The following VCL variants were observed in gnomAD, a reference collection of about 807,000 sequenced individuals.
VCL encodes vinculin, also known as epididymis luminal protein 114.
VCL carries 47 observed loss-of-function variants against 125.7 expected under a neutral mutation model. That is an observed-to-expected ratio of 0.37 (90% CI 0.30 to 0.48). The LOEUF is 0.48. VCL is among the 20% of genes least tolerant of loss of function. The pLI, the probability that VCL is intolerant of heterozygous loss-of-function variation, is 0.99. For synonymous variants in VCL, 458 were observed against 514.6 expected (o/e 0.89, Z 1.49); for missense variants, 1,069 against 1,455.5 (o/e 0.73, Z 4.32).
chr10:74,085,975 C>T (rs2131903364), intron 8 of VCL, among the ~76,000 whole-genome samples: 1 of 152,274 alleles, frequency 6.6e-6, no homozygotes, highest in Non-Finnish European at 1.5e-5. Context: ...TCAAGGCATT[C>T]TCCTGCCTCA....
At chr10:74,100,810 G>GT in intron 13 of VCL, 138 bp from the exon 14 acceptor site, 10 of 1,049,456 alleles carry the variant, frequency 9.5e-6, no homozygotes, top group Non-Finnish European at 1.4e-5. Flanking sequence ...TTTGACTGTT[G>GT]TTTTATTAAC....
chr10:74,107,481 T>C, intron 17 of VCL, 127 bp downstream of exon 17: 1 of 1,471,028 alleles, frequency 6.8e-7, no homozygotes, highest in South Asian at 1.2e-5. Context: ...TGAAGCTTAG[T>C]GGGAGGCAGA....
At chr10:74,065,192 A>T (rs1841548504) in intron 2 of VCL, among the ~76,000 whole-genome samples, 1 of 148,822 alleles carries the variant, frequency 6.7e-6, no homozygotes, top group Non-Finnish European at 1.5e-5. Context: ...GCTGAAGTGC[A>T]GTGGCGTGAT....
At chr10:74,008,517 T>C (rs534408261) in intron 1 of VCL, among the ~76,000 whole-genome samples, 2 of 152,336 alleles carry the variant, frequency 1.3e-5, no homozygotes, top group South Asian at 4.1e-4. Flanking sequence ...GATATATTAT[T>C]TGGAGCCCTG....
chr10:74,009,794 G>C (rs1377045820), intron 1 of VCL, among the ~76,000 whole-genome samples: 1 of 151,810 alleles, frequency 6.6e-6, no homozygotes, highest in Non-Finnish European at 1.5e-5. Context: ...ATTTTTAGTA[G>C]AGACGGGGTT....
rs536260277 is a variant in VCL at position 74,056,819 on chromosome 10, C to T, written c.239+13666C>T. Among the ~76,000 whole-genome samples the T allele has an allele frequency of 5.3e-5, 8 of 152,258 alleles. No homozygotes were observed. In the South Asian group the frequency reaches 1.7e-3, roughly 32 times the overall value. Reference sequence around the variant, plus strand: ...TTACTGATATGCCACAGAATGCGTCCATCTCTACTGTTTTAAAGTACAATC... The same window carrying T: ...TTACTGATATGCCACAGAATGCGTCTATCTCTACTGTTTTAAAGTACAATC... On this transcript the variant is annotated intron_variant, in intron 2 of 21. Transcript: ENST00000211998.
chr10:74,049,063 C>T (rs919371986), intron 2 of VCL, among the ~76,000 whole-genome samples: 3 of 152,022 alleles, frequency 2.0e-5, no homozygotes, highest in South Asian at 2.1e-4. Flanking sequence ...GCTGAGATTG[C>T]GCCACTGCAC....
At chr10:74,108,950 A>G in intron 17 of VCL, 21 bp from the exon 18 acceptor site, 1 of 1,613,982 alleles carries the variant, frequency 6.2e-7, no homozygotes. Context: ...CTTTACTTAC[A>G]ACTTGTTTTC....
intron 8 of VCL, among the ~76,000 whole-genome samples, chr10:74,084,157 G>A (rs1335434012): frequency 6.6e-6 from 1 of 152,156 alleles, no homozygotes; most frequent in Non-Finnish European, 1.5e-5. Context: ...GAGCCACTGT[G>A]CCCGGCCACA....
Position 74,105,183 on chromosome 10 carries a change from G to A in VCL, c.2264G>A (p.Ser755Asn). 6.2e-7 allele frequency: 1 copy of A among 1,614,212 alleles called. No individual in the cohort carries two copies. Among genetic ancestry groups the A allele is most frequent in the South Asian group, 1.1e-5 (1 of 91,078 alleles). ...CAGATGCTGGTTGCTGGGGCAACCA[G>A]TATTGCTCGTCGGGCCAACCGGATC... ...QPQMLVAGAT[S>N]IARRANRILL... The change falls in exon 16 of 22, where the codon AGT becomes AAT. Residue 755 changes from serine to asparagine, a missense_variant. Transcript: ENST00000211998.
In VCL at chr10:74,118,321, G is replaced by A. The variant is rs1933497251; in HGVS notation, c.*152G>A. On this transcript the variant is annotated 3_prime_UTR_variant, in exon 22 of 22. Transcript: ENST00000211998. ...GAATGGGGGCCTCTTCAAATTAGAA[G>A]ACATTTATACTCTTTTTTCATGGAC... is the stretch of plus-strand genomic sequence containing the variant. 3 of 894,074 alleles carry A rather than the reference G, an allele frequency of 3.4e-6. No homozygotes were observed. Among genetic ancestry groups the A allele is most frequent in the Non-Finnish European group, 5.3e-6 (3 of 563,882 alleles). The allele number at this position is 894,074 out of a possible 1,614,324, so 55.4% of individuals were successfully genotyped here. A position where few individuals can be genotyped will look rare whatever the true frequency, so the allele number is the denominator to read the frequency against.
chr10:74,101,611 A>G (rs1306254528), intron 14 of VCL, among the ~76,000 whole-genome samples: 1 of 127,626 alleles, frequency 7.8e-6, no homozygotes, highest in Non-Finnish European at 1.5e-5. Context: ...TGTGGACTGC[A>G]GTGGCGCAAT....
chr10:74,065,144 T>TC (rs1206558248), intron 2 of VCL, among the ~76,000 whole-genome samples: 1 of 151,566 alleles, frequency 6.6e-6, no homozygotes, highest in African/African-American at 2.4e-5. Flanking sequence ...GCACTTTTTT[T>TC]TTTTTTTTTT....
chr10:74,025,934 T>C (rs1265056631), intron 1 of VCL, among the ~76,000 whole-genome samples: 1 of 151,914 alleles, frequency 6.6e-6, no homozygotes, highest in African/African-American at 2.4e-5. Context: ...TGGAGAAAAA[T>C]GGGTTACCAG....
intron 8 of VCL, among the ~76,000 whole-genome samples, chr10:74,087,198 C>A (rs899921530): frequency 1.5e-4 from 23 of 151,816 alleles, no homozygotes; most frequent in African/African-American, 2.4e-4. Context: ...AAAAGGAAGG[C>A]CTCAACTTCA....
At chr10:74,084,118 G>A (rs2136281385) in intron 8 of VCL, among the ~76,000 whole-genome samples, 1 of 152,040 alleles carries the variant, frequency 6.6e-6, no homozygotes, top group South Asian at 2.1e-4. Context: ...ACCCTCCTTG[G>A]CCTCCCAAAG....
Position 74,097,829 on chromosome 10 carries a change from C to T in VCL, c.1872+497C>T, listed in dbSNP as rs913363061. ...CCCTTCCAATGACTCCCCGCTATCC[C>T]AGAGTAAAACCAGAGTGCTAACAAT... On this transcript the variant is annotated intron_variant, in intron 13 of 21. Transcript: ENST00000211998. This position sits in a 1 kb window ranked among gnomAD's most constrained non-coding sequence, Gnocchi z 4.1. Among the ~76,000 whole-genome samples, 3 of 152,116 alleles carry T rather than the reference C, an allele frequency of 2.0e-5. No individual in the cohort carries two copies. The highest frequency in any genetic ancestry group is 7.2e-5 in the African/African-American group (3 of 41,422).
chr10:74,078,138 T>A (rs1259776067), intron 6 of VCL, among the ~76,000 whole-genome samples: 2 of 151,728 alleles, frequency 1.3e-5, no homozygotes, highest in Non-Finnish European at 2.9e-5. Context: ...GATAAAAAAT[T>A]AAAAAAAAAT....
chr10:74,058,317 T>A (rs4268450), intron 2 of VCL, among the ~76,000 whole-genome samples: 81,912 of 151,884 alleles, frequency 0.54, 23,241 homozygotes, highest in Admixed American at 0.62. Context: ...TGATCAGATA[T>A]GTTTGTGGGC....
Sources: allele counts gnomAD v4.1 joint callset (sites outside exome capture counted in the v4.1 genomes callset), GRCh38; gene constraint gnomAD v4.1.1; non-coding constraint Gnocchi (gnomAD v3.1); transcripts MANE v1.5; gene names NCBI Gene and HGNC (gene_info 2026-07-23, HGNC 2026-07-21).